Variants in PXT1 observed in about 807,000 individuals in gnomAD.
The protein encoded by PXT1 is peroxisomal testis-specific protein 1.
In PXT1, 11 loss-of-function variants were observed where a neutral mutation model predicts 11.0. That is an observed-to-expected ratio of 1.00 (90% CI 0.63 to 1.66). PXT1 has a LOEUF of 1.66. PXT1 is among the 40% of genes most tolerant of loss of function. PXT1 has a pLI of 0.00. For missense variants in PXT1, 141 were observed against 155.5 expected, an observed-to-expected ratio of 0.91 and a Z score of 0.49; for synonymous variants, 43 against 51.4, an observed-to-expected ratio of 0.84 and a Z score of 0.70.
chr6:36,413,066 G>A (rs1356950806), intron 3 of PXT1, among the ~76,000 whole-genome samples: 1 of 152,086 alleles, frequency 6.6e-6, no homozygotes, highest in African/African-American at 2.4e-5. Flanking sequence ...AAACAGAGGA[G>A]GAAATGATCA....
chr6:36,425,614 C>A (rs1203574613), intron 3 of PXT1, among the ~76,000 whole-genome samples: 1 of 151,582 alleles, frequency 6.6e-6, no homozygotes, highest in Non-Finnish European at 1.5e-5. Flanking sequence ...GTGAAACCCC[C>A]TCTCTACTAA....
chr6:36,405,520 A>C (rs576315999), intron 3 of PXT1, among the ~76,000 whole-genome samples: 2 of 152,292 alleles, frequency 1.3e-5, no homozygotes, highest in East Asian at 3.9e-4. Context: ...CTGGGACTAC[A>C]GGCACGTGCC....
intron 3 of PXT1, among the ~76,000 whole-genome samples, chr6:36,405,566 C>T (rs754327326): frequency 1.7e-4 from 26 of 151,988 alleles, no homozygotes; most frequent in African/African-American, 2.2e-4. Flanking sequence ...TTAGTAGAGA[C>T]GAGGTTTCAC....
At chr6:36,413,682 C>T (rs900325417) in intron 3 of PXT1, among the ~76,000 whole-genome samples, 1 of 151,864 alleles carries the variant, frequency 6.6e-6, no homozygotes, top group African/African-American at 2.4e-5. Context: ...AATTCTATGC[C>T]CAGCTAAACT....
At chr6:36,403,666 G>A (rs1410838758) in intron 3 of PXT1, among the ~76,000 whole-genome samples, 1 of 152,162 alleles carries the variant, frequency 6.6e-6, no homozygotes, top group Admixed American at 6.5e-5. Context: ...CTGAGCTCAG[G>A]AGACCACTCT....
intron 3 of PXT1, among the ~76,000 whole-genome samples, chr6:36,411,383 G>A (rs527690546): frequency 6.6e-6 from 1 of 152,236 alleles, no homozygotes; most frequent in East Asian, 1.9e-4. Context: ...CCCAGGAGGT[G>A]GAGGTTGCAA....
intron 3 of PXT1, among the ~76,000 whole-genome samples, chr6:36,416,755 C>G (rs562252860): frequency 3.9e-5 from 6 of 152,288 alleles, no homozygotes; most frequent in African/African-American, 1.2e-4. Context: ...TATATAGATA[C>G]TATAATGTAA....
intron 2 of PXT1, among the ~76,000 whole-genome samples, chr6:36,432,052 C>A (rs2127418034): frequency 6.6e-6 from 1 of 152,256 alleles, no homozygotes; most frequent in South Asian, 2.1e-4. Context: ...GCCTGGGCCA[C>A]AGCGCAAGAC....
At chr6:36,429,946 C>A (rs557161473) in intron 2 of PXT1, among the ~76,000 whole-genome samples, 4 of 152,036 alleles carry the variant, frequency 2.6e-5, no homozygotes, top group Non-Finnish European at 4.4e-5. Flanking sequence ...CGCCTGTAAT[C>A]CCAGCACTTT....
chr6:36,399,005 C>T (rs1163498068), intron 4 of PXT1, among the ~76,000 whole-genome samples: 1 of 152,158 alleles, frequency 6.6e-6, no homozygotes, highest in Admixed American at 6.5e-5. Flanking sequence ...CTGAGTCTGG[C>T]ATATAGTAGG....
intron 2 of PXT1, among the ~76,000 whole-genome samples, chr6:36,428,764 C>T (rs1440448688): frequency 9.4e-5 from 14 of 149,438 alleles, no homozygotes; most frequent in South Asian, 4.2e-4. Flanking sequence ...TTTTTTGAGA[C>T]GGAGTCTCTC....
At chr6:36,423,975 C>T (rs1343359766) in intron 3 of PXT1, among the ~76,000 whole-genome samples, 2 of 152,176 alleles carry the variant, frequency 1.3e-5, no homozygotes, top group Non-Finnish European at 1.5e-5. Flanking sequence ...AGGGCAGCAG[C>T]GTTAGTAACT....
intron 3 of PXT1, among the ~76,000 whole-genome samples, chr6:36,413,339 C>T (rs576753571): frequency 1.3e-4 from 19 of 151,888 alleles, no homozygotes; most frequent in African/African-American, 4.4e-4. Flanking sequence ...ATGGCGTGAA[C>T]CCAGGAGGCG....
At position 36,397,345 on chromosome 6, in the gene PXT1, G is replaced by A. The variant is rs138633143; in HGVS notation, c.300+3109C>T. On this transcript the variant is annotated intron_variant, in intron 4 of 4. Coordinates refer to ENST00000454782, the MANE Select transcript of PXT1 (RefSeq NM_152990.4). ...AGTCCCAGCTACTTAGGAGGTTGAG[G>A]TGGGACGATCTCTGGAGCCCAGGAG... Among the ~76,000 whole-genome samples, 1,090 of 152,264 alleles carry A rather than the reference G, an allele frequency of 7.2e-3. 5 individuals are homozygous for A. The highest frequency in any genetic ancestry group is 0.011 in the Non-Finnish European group (719 of 68,028).
intron 3 of PXT1, among the ~76,000 whole-genome samples, chr6:36,408,703 C>CAAAA (rs60161051): frequency 1.8e-5 from 2 of 113,404 alleles, no homozygotes; most frequent in Non-Finnish European, 3.6e-5. Flanking sequence ...CTGTCTCTAC[C>CAAAA]AAAAAAAAAA....
chr6:36,432,686 CTG>C (rs1451083453), intron 2 of PXT1, among the ~76,000 whole-genome samples: 1 of 152,120 alleles, frequency 6.6e-6, no homozygotes, highest in Non-Finnish European at 1.5e-5. Context: ...GTTTGAAAAT[CTG>C]TTTAAGAAGT....
chr6:36,439,844 C>T (rs1022718755), intron 1 of PXT1, among the ~76,000 whole-genome samples: 4 of 152,112 alleles, frequency 2.6e-5, no homozygotes, highest in Admixed American at 1.3e-4. Flanking sequence ...CGAAACCCAG[C>T]GTAACACATT....
intron 3 of PXT1, among the ~76,000 whole-genome samples, 177 bp downstream of exon 3, chr6:36,425,737 G>A (rs1268780343): frequency 1.3e-5 from 2 of 151,306 alleles, no homozygotes; most frequent in South Asian, 2.1e-4. Context: ...GCAGAGAGCT[G>A]AGATGGCACC....
intron 2 of PXT1, among the ~76,000 whole-genome samples, chr6:36,428,547 G>T (rs748601448): frequency 6.6e-6 from 1 of 151,964 alleles, no homozygotes; most frequent in Non-Finnish European, 1.5e-5. Flanking sequence ...CTGTCATTTT[G>T]TACTAGTCAT....
Sources: gnomAD v4.1 joint callset for allele counts (sites outside exome capture counted in the v4.1 genomes callset) on GRCh38, gnomAD v4.1.1 for gene constraint, MANE v1.5 for transcripts, NCBI Gene and HGNC (gene_info 2026-07-23, HGNC 2026-07-21) for gene names.